Variants in TARDBP observed in about 807,000 individuals in gnomAD.
TARDBP encodes the protein TAR DNA-binding protein 43.
Under a neutral mutation model 38.3 loss-of-function variants are expected in TARDBP, and 4 were observed. That is an observed-to-expected ratio of 0.10 (90% confidence interval 0.05 to 0.24). The LOEUF (loss-of-function observed/expected upper bound fraction) is 0.24, where lower values mean the gene tolerates loss of function less well. Ranked by LOEUF, TARDBP falls within the 10% of genes least tolerant of loss-of-function variation. TARDBP has a pLI of 1.00. For missense variants in TARDBP, 202 were observed against 521.9 expected, an observed-to-expected ratio of 0.39 and a Z score of 5.97; for synonymous variants, 184 against 183.8, an observed-to-expected ratio of 1.00 and a Z score of -0.01.
intron 2 of TARDBP, among the ~76,000 whole-genome samples, chr1:11,016,441 T>C (rs951617766): frequency 6.6e-6 from 1 of 152,204 alleles, no homozygotes; most frequent in Non-Finnish European, 1.5e-5. Flanking sequence ...CCACTGTACC[T>C]GGTTTTCTGT....
chr1:11,022,175 C>A lies in TARDBP; in HGVS notation c.766C>A (p.His256Asn). The A allele has an allele frequency of 6.2e-7, 1 of 1,613,948 alleles. No individual in the cohort carries two copies. The highest frequency in any genetic ancestry group is 1.1e-5 in the South Asian group (1 of 91,062). ...CTTGATCATTAAAGGAATCAGCGTT[C>A]ATATATCCAATGCCGAACCTAAGCA... ...EDLIIKGISV[H>N]ISNAEPKHNS... is the part of the protein sequence containing the mutation. The change falls in exon 6 of 6, where the codon CAT becomes AAT. Residue 256 changes from histidine to asparagine, a missense_variant. Physicochemically the swap from His to Asn is moderately conservative, Grantham distance 68. Coordinates refer to ENST00000240185, the MANE Select transcript of TARDBP (RefSeq NM_007375.4). The surrounding 1 kb of genome is among the most constrained non-coding windows in gnomAD (Gnocchi z 4.5).
chr1:11,014,100 A>C, intron 2 of TARDBP, 135 bp downstream of exon 2: 1 of 894,948 alleles, frequency 1.1e-6, no homozygotes, highest in East Asian at 2.4e-5. Flanking sequence ...GTGTTAGACA[A>C]GTTTGGAAGA....
At chr1:11,019,968 A>C (rs1643605056) in intron 4 of TARDBP, among the ~76,000 whole-genome samples, 1 of 148,760 alleles carries the variant, frequency 6.7e-6, no homozygotes, top group African/African-American at 2.5e-5. Context: ...GGTTCAAGTG[A>C]TTCTCCTACC....
chr1:11,028,350 T>C (rs566342472), downstream of TARDBP, among the ~76,000 whole-genome samples: 3 of 152,326 alleles, frequency 2.0e-5, no homozygotes, highest in South Asian at 4.1e-4. Flanking sequence ...GTAAAATGGG[T>C]ATTTATGTAA....
At chr1:11,026,680 T>A (rs1165334164), downstream of TARDBP, 3 of 399,622 alleles carry the variant, frequency 7.5e-6, no homozygotes, top group Non-Finnish European at 1.3e-5. Flanking sequence ...CTCTCGTGGT[T>A]TATGTCCCCT....
chr1:11,026,009 G>C (rs1643726648), downstream of TARDBP: 1 of 152,064 alleles, frequency 6.6e-6, no homozygotes. Context: ...GAAAAATACA[G>C]ATTTCTCTAT....
Position 11,020,482 on chromosome 1 carries a change from A to C in TARDBP, c.597A>C (p.Thr199=), listed in dbSNP as rs748445941. Residue 199 remains threonine (T), a synonymous_variant, in exon 5 of 6, where the codon ACA becomes ACC. Transcript: ENST00000240185. ...RSRKVFVGRC[T]EDMTEDELRE... is the part of the protein sequence containing the mutation. ...GAAAAGTGTTTGTGGGGCGCTGTAC[A>C]GAGGACATGACTGAGGATGAGCTGC... 4.3e-6 allele frequency: 7 copies of C among 1,614,162 alleles called. No homozygotes were observed. The Middle Eastern group carries it at 6.6e-4, about 152-fold the overall frequency.
downstream of TARDBP, chr1:11,026,999 C>A (rs148865407): frequency 4.4e-5 from 70 of 1,597,878 alleles, no homozygotes; most frequent in Non-Finnish European, 5.6e-5. Flanking sequence ...CTATTCCTCC[C>A]ACAAACCACC....
chr1:11,013,985 T>C lies in TARDBP; in HGVS notation c.238+20T>C. 2 of 1,612,268 alleles carry C rather than the reference T, an allele frequency of 1.2e-6. 1 individual carries two copies. Among genetic ancestry groups the C allele is most frequent in the South Asian group, 2.2e-5 (2 of 90,968 alleles). ...CAAAAGGTTTGTTACCATTTGGTTT[T>C]TGTAATCATGCTGAAGTGTGTTCAG... On this transcript the variant is annotated intron_variant, in intron 2 of 5. Coordinates refer to ENST00000240185, the MANE Select transcript of TARDBP (RefSeq NM_007375.4).
At chr1:11,014,337 C>T (rs1428094160) in intron 2 of TARDBP, among the ~76,000 whole-genome samples, 1 of 152,206 alleles carries the variant, frequency 6.6e-6, no homozygotes, top group African/African-American at 2.4e-5. Flanking sequence ...TTCAGCAAAT[C>T]TGAGTTCATT....
downstream of TARDBP, among the ~76,000 whole-genome samples, chr1:11,029,204 G>A (rs367941511): frequency 5.3e-5 from 8 of 149,996 alleles, no homozygotes; most frequent in East Asian, 1.6e-3. Context: ...GTTTCACCAT[G>A]TTGGCCAAGA....
downstream of TARDBP, chr1:11,027,534 G>A: frequency 1.9e-6 from 3 of 1,614,188 alleles, no homozygotes; most frequent in Non-Finnish European, 1.7e-6. Flanking sequence ...ATATAAAAGT[G>A]CACCTGCTGC....
chr1:11,015,162 C>T (rs1287579892), intron 2 of TARDBP, among the ~76,000 whole-genome samples: 5 of 151,836 alleles, frequency 3.3e-5, no homozygotes, highest in East Asian at 3.9e-4. Context: ...GTTTCTTCAG[C>T]CAGTGGGTAT....
rs7543605 is a variant in TARDBP, at chr1:11,019,155, A to G, written c.543+282A>G. The G allele has an allele frequency of 7.4e-4, 331 of 445,776 alleles. 2 individuals are homozygous for G. The highest frequency in any genetic ancestry group is 5.5e-3 in the African/African-American group (278 of 50,266). The allele number at this position is 445,776 out of a possible 1,614,324, so 27.6% of individuals were successfully genotyped here. On this transcript the variant is annotated intron_variant, in intron 4 of 5. Coordinates refer to ENST00000240185, the MANE Select transcript of TARDBP (RefSeq NM_007375.4). ...ATTTGTCAAGTTAATAGTTTCTTAC[A>G]TAGTTATATGTTAAAACATAAAGAG...
intron 2 of TARDBP, among the ~76,000 whole-genome samples, chr1:11,014,715 G>C (rs1168698397): frequency 6.6e-6 from 1 of 152,114 alleles, no homozygotes; most frequent in African/African-American, 2.4e-5. Context: ...GAGGCAGGTG[G>C]ATCACCTGAG....
chr1:11,016,694 T>G (rs1358155571), intron 2 of TARDBP, 150 bp from the exon 3 acceptor site: 2 of 758,680 alleles, frequency 2.6e-6, no homozygotes, highest in African/African-American at 3.5e-5. Context: ...TATTCTGTCC[T>G]CTAGAGCAAA....
At position 11,017,075 on chromosome 1, in the gene TARDBP, TATAA is replaced by T. The variant is rs1643537856; in HGVS notation, c.402+72_402+75del. ...TGAGTATCTAGCATTTATTTATTGG[TATAA>T]ATAGAGATGGGGTATCACTATGTTC... On this transcript the variant is annotated intron_variant, in intron 3 of 5. Transcript: ENST00000240185. 8.5e-6 allele frequency: 13 copies of T among 1,523,006 alleles called. No individual in the cohort carries two copies. In the South Asian group the frequency reaches 1.1e-4, roughly 13 times the overall value. 94.3% of individuals were successfully genotyped at this position (1,523,006 alleles called of 1,614,324 possible). A position where few individuals can be genotyped will look rare whatever the true frequency, so the allele number is the denominator to read the frequency against.
chr1:11,028,217 C>CA (rs1553160445), downstream of TARDBP, among the ~76,000 whole-genome samples: 128 of 145,174 alleles, frequency 8.8e-4, 1 homozygote, highest in Admixed American at 2.6e-3. Flanking sequence ...AACTCCATCT[C>CA]AAAAAAAAAA....
intron 1 of TARDBP, 111 bp from the exon 2 acceptor site, chr1:11,013,605 G>A (rs1643458409): frequency 2.2e-6 from 2 of 907,790 alleles, no homozygotes; most frequent in Non-Finnish European, 3.5e-6. Flanking sequence ...TACGAATCCA[G>A]ACAAGCATTT....
Sources: gnomAD v4.1 joint callset for allele counts (sites outside exome capture counted in the v4.1 genomes callset) on GRCh38, gnomAD v4.1.1 for gene constraint, Gnocchi (gnomAD v3.1) non-coding constraint, MANE v1.5 for transcripts, NCBI Gene and HGNC (gene_info 2026-07-23, HGNC 2026-07-21) for gene names.